MYO18B: variants seen among roughly 807,000 people sequenced by gnomAD.
MYO18B encodes myosin XVIIIB.
A neutral mutation model predicts 273.0 loss-of-function variants in MYO18B; 204 were observed. The observed-to-expected ratio is 0.75, with a 90% CI of 0.67 to 0.84. The LOEUF is 0.84. Ranked by LOEUF, MYO18B falls within the 40% of genes least tolerant of loss-of-function variation. MYO18B has a pLI of 0.00. For synonymous variants in MYO18B, 1,330 were observed against 1,305.7 expected, an observed-to-expected ratio of 1.02 and a Z score of -0.40; for missense variants, 3,212 against 3,287.6, an observed-to-expected ratio of 0.98 and a Z score of 0.56.
chr22:25,994,605 T>G (rs1021919806), intron 40 of MYO18B, among the ~76,000 whole-genome samples: 10 of 152,248 alleles, frequency 6.6e-5, no homozygotes, highest in Admixed American at 6.5e-4. Context: ...CCCTGCTAAT[T>G]GGCACAGCTG....
At chr22:25,760,088 G>A (rs1035807475) in intron 1 of MYO18B, among the ~76,000 whole-genome samples, 5 of 152,194 alleles carry the variant, frequency 3.3e-5, no homozygotes, top group African/African-American at 1.2e-4. Context: ...CCTTCACAAA[G>A]AAAACCCATG....
chr22:25,882,813 A>T (rs945445442), intron 25 of MYO18B, among the ~76,000 whole-genome samples: 4 of 152,224 alleles, frequency 2.6e-5, no homozygotes, highest in African/African-American at 9.6e-5. Flanking sequence ...ATAGTGATGA[A>T]GTCTGGGCTT....
the MYO18B span, among the ~76,000 whole-genome samples, chr22:26,059,308 G>C: frequency 6.6e-6 from 1 of 152,312 alleles, no homozygotes; most frequent in African/African-American, 2.4e-5. Context: ...GGAGTCAAAA[G>C]AACTAAAGGA....
intron 7 of MYO18B, among the ~76,000 whole-genome samples, chr22:25,773,329 A>G (rs2086793629): frequency 1.3e-5 from 2 of 152,186 alleles, no homozygotes; most frequent in South Asian, 2.1e-4. Flanking sequence ...AACAATAAAG[A>G]TAAGAGTGGC....
intron 1 of MYO18B, among the ~76,000 whole-genome samples, chr22:25,749,102 C>T (rs545297708): frequency 6.6e-6 from 1 of 152,328 alleles, no homozygotes; most frequent in East Asian, 1.9e-4. Flanking sequence ...TCCCATGTAA[C>T]CCACGAGGCA....
At chr22:26,034,101 C>T (rs542899746), downstream of MYO18B, among the ~76,000 whole-genome samples, 7 of 152,198 alleles carry the variant, frequency 4.6e-5, no homozygotes, top group Admixed American at 2.6e-4. Context: ...TACAGGCGCC[C>T]GCCACCATGC....
rs2089596843 is a variant in MYO18B, at chr22:25,828,890, CCA to C, written c.2904_2905del (p.His968GlnfsTer5). 1 of 1,613,904 alleles carries C rather than the reference CCA, an allele frequency of 6.2e-7. No individual in the cohort carries two copies. The highest frequency in any genetic ancestry group is 8.5e-7 in the Non-Finnish European group (1 of 1,179,898). On this transcript the variant is annotated frameshift_variant, in exon 15 of 44. Transcript: ENST00000335473. LOFTEE classifies it high-confidence loss of function. ...GGGCGGCCACCTTTGAGGAGCTGTG[CCA>C]CAACTACGCCCATGAGCGCCTGCAG... ...DRAATFEELC[H>X]NYAHERLQLL...
chr22:26,001,672 T>C (rs960704644), intron 40 of MYO18B, among the ~76,000 whole-genome samples: 1 of 152,192 alleles, frequency 6.6e-6, no homozygotes, highest in African/African-American at 2.4e-5. Flanking sequence ...ATCAGCCCCC[T>C]GTGTGGACAG....
chr22:25,795,890 GA>G (rs1412288222), intron 11 of MYO18B, among the ~76,000 whole-genome samples: 3 of 152,200 alleles, frequency 2.0e-5, no homozygotes, highest in African/African-American at 7.2e-5. Context: ...ATCAGTTCAA[GA>G]ATCAGAAAAG....
intron 1 of MYO18B, among the ~76,000 whole-genome samples, chr22:25,753,637 G>A (rs971447602): frequency 3.3e-5 from 5 of 152,186 alleles, no homozygotes; most frequent in South Asian, 2.1e-4. Flanking sequence ...CACCGCAAAA[G>A]TCTGTAGCTT....
At chr22:25,970,411 A>C (rs137917544) in intron 39 of MYO18B, among the ~76,000 whole-genome samples, 1 of 152,238 alleles carries the variant, frequency 6.6e-6, no homozygotes, top group Non-Finnish European at 1.5e-5. Flanking sequence ...GTGACCTGTG[A>C]GTTCATAGAT....
At chr22:26,011,100 A>G (rs1176232622) in intron 42 of MYO18B, among the ~76,000 whole-genome samples, 3 of 149,950 alleles carry the variant, frequency 2.0e-5, no homozygotes, top group Non-Finnish European at 4.4e-5. Flanking sequence ...GCATTACTAG[A>G]TCCAGGAATT....
chr22:25,744,779 C>G (rs535044456), intron 1 of MYO18B, among the ~76,000 whole-genome samples: 2 of 152,146 alleles, frequency 1.3e-5, no homozygotes, highest in South Asian at 4.2e-4. Context: ...ATTAAATTTT[C>G]TGAAAAATGG....
intron 33 of MYO18B, among the ~76,000 whole-genome samples, chr22:25,913,860 A>G (rs1465268327): frequency 6.6e-6 from 1 of 152,244 alleles, no homozygotes; most frequent in Non-Finnish European, 1.5e-5. Context: ...TATTTTTAAT[A>G]CAGTCGTGTT....
chr22:25,868,298 TTC>T lies in MYO18B; in HGVS notation c.3886-16_3886-15del. 6.3e-7 allele frequency: 1 copy of T among 1,586,306 alleles called. No individual in the cohort carries two copies. Among genetic ancestry groups the T allele is most frequent in the Non-Finnish European group, 8.6e-7 (1 of 1,165,168 alleles). On this transcript the variant is annotated intron_variant, in intron 21 of 43. Transcript: ENST00000335473. Reference sequence around the variant, plus strand: ...CCTCCTACCTTCTATGCTGTCTAACTTCTCTCTAATTTTTTCCCCAGGCCGTG... The same window carrying T: ...CCTCCTACCTTCTATGCTGTCTAACTTCTCTAATTTTTTCCCCAGGCCGTG...
At position 25,770,876 on chromosome 22, in the gene MYO18B, G is replaced by A. The variant is rs572078069; in HGVS notation, c.1584G>A (p.Thr528=). 8.4e-6 allele frequency: 13 copies of A among 1,551,416 alleles called. No individual in the cohort carries two copies. The highest frequency in any genetic ancestry group is 2.4e-5 in the South Asian group (2 of 84,036). Residue 528 remains threonine (T), a synonymous_variant, in exon 6 of 44, where the codon ACG becomes ACA. Coordinates refer to ENST00000335473, the MANE Select transcript of MYO18B (RefSeq NM_032608.7). ...LAQKDGFTLA[T]VLKPDEGTAD... ...CTCTCTGGGATGTCCAACCAGCTAC[G>A]GTGCTAAAGCCAGATGAGGGAACAG... is the stretch of plus-strand genomic sequence containing the variant.
chr22:26,059,308 G>T, the MYO18B span, among the ~76,000 whole-genome samples: 1 of 152,194 alleles, frequency 6.6e-6, no homozygotes, highest in Non-Finnish European at 1.5e-5. Context: ...GGAGTCAAAA[G>T]AACTAAAGGA....
At chr22:25,957,912 CTTTT>C (rs1330432024) in intron 39 of MYO18B, among the ~76,000 whole-genome samples, 2 of 128,900 alleles carry the variant, frequency 1.6e-5, no homozygotes, top group Admixed American at 8.3e-5. Flanking sequence ...AACGCTTTTG[CTTTT>C]TTTTTTTTTT....
chr22:25,991,005 T>C (rs945155520), intron 39 of MYO18B, among the ~76,000 whole-genome samples: 1 of 148,624 alleles, frequency 6.7e-6, no homozygotes, highest in Non-Finnish European at 1.5e-5. Flanking sequence ...TTGCATAGAC[T>C]TGAGCATGAT....
Sources: gnomAD v4.1 joint callset for allele counts (sites outside exome capture counted in the v4.1 genomes callset) on GRCh38, gnomAD v4.1.1 for gene constraint, MANE v1.5 for transcripts, NCBI Gene and HGNC (gene_info 2026-07-23, HGNC 2026-07-21) for gene names.